ZRANB2: variants seen among roughly 807,000 people sequenced by gnomAD.
ZRANB2 encodes zinc finger Ran-binding domain-containing protein 2.
Under a neutral mutation model 53.4 loss-of-function variants are expected in ZRANB2, and 19 were observed. The observed-to-expected ratio is 0.36, with a 90% CI of 0.25 to 0.52. The LOEUF (loss-of-function observed/expected upper bound fraction) is 0.52, where lower values mean the gene tolerates loss of function less well. Ranked by LOEUF, ZRANB2 falls within the 20% of genes least tolerant of loss-of-function variation. The pLI, the probability that ZRANB2 is intolerant of heterozygous loss-of-function variation, is 0.93. For synonymous variants in ZRANB2, 145 were observed against 134.8 expected, an observed-to-expected ratio of 1.08 and a Z score of -0.52; for missense variants, 309 against 401.1, an observed-to-expected ratio of 0.77 and a Z score of 1.96.
At chr1:71,078,107 T>C (rs1277904936) in intron 3 of ZRANB2, among the ~76,000 whole-genome samples, 1 of 152,168 alleles carries the variant, frequency 6.6e-6, no homozygotes, top group African/African-American at 2.4e-5. Flanking sequence ...TTTTGTGGTG[T>C]ATTTCACACT....
chr1:71,070,480 T>G lies in ZRANB2; in HGVS notation c.683+347A>C, dbSNP rs184066253. On this transcript the variant is annotated intron_variant, in intron 7 of 9. Coordinates refer to ENST00000370920, the MANE Select transcript of ZRANB2 (RefSeq NM_203350.3). Reference sequence around the variant, plus strand: ...CTGTGCTAGCCTTTAACATCTTGAATGAAAATACAGATCTCCCCTTTACTT... The same window carrying G: ...CTGTGCTAGCCTTTAACATCTTGAAGGAAAATACAGATCTCCCCTTTACTT... 7.8e-3 allele frequency among the ~76,000 whole-genome samples: 1,195 copies of G among 152,256 alleles called. 17 individuals are homozygous for G. The highest frequency in any genetic ancestry group is 9.8e-3 in the Non-Finnish European group (664 of 67,990).
In ZRANB2 at chr1:71,069,373, A is replaced by T; in HGVS notation, c.684-11T>A. On this transcript the variant is annotated splice_polypyrimidine_tract_variant and intron_variant, in intron 7 of 9. Coordinates refer to ENST00000370920, the MANE Select transcript of ZRANB2 (RefSeq NM_203350.3). ...CTTCTTGAACGGGACCTGGAACAACATGGAACGATTTTTTTTTTCCAGGAC... is the reference window on the plus strand; with the variant it reads ...CTTCTTGAACGGGACCTGGAACAACTTGGAACGATTTTTTTTTTCCAGGAC... 1 of 1,610,988 alleles carries T rather than the reference A, an allele frequency of 6.2e-7. No homozygotes were observed. Among genetic ancestry groups the T allele is most frequent in the Non-Finnish European group, 8.5e-7 (1 of 1,178,186 alleles).
chr1:71,065,481 A>ATCCAAG (rs1661404292), intron 9 of ZRANB2, among the ~76,000 whole-genome samples: 1 of 152,142 alleles, frequency 6.6e-6, no homozygotes, highest in South Asian at 2.1e-4. Context: ...TGGTAATGGA[A>ATCCAAG]GTGTGACTAA....
rs1197871326 is a variant in ZRANB2, at chr1:71,065,035, C to T, written c.*39G>A. The T allele has an allele frequency of 1.0e-5, 15 of 1,450,204 alleles. No homozygotes were observed. Among genetic ancestry groups the T allele is most frequent in the Non-Finnish European group, 1.4e-5 (15 of 1,041,554 alleles). 89.8% of individuals were successfully genotyped at this position (1,450,204 alleles called of 1,614,324 possible). A position where few individuals can be genotyped will look rare whatever the true frequency, so the allele number is the denominator to read the frequency against. On this transcript the variant is annotated 3_prime_UTR_variant, in exon 10 of 10. Transcript: ENST00000370920. ...AACTTCTTTAAAAATATGCTTCATG[C>T]ACTGTACTGGATTTTTTTAAGATGT...
chr1:71,066,941 T>C lies in ZRANB2; in HGVS notation c.771-7A>G. ...GTGGGACCTGGAGCTGGATCTTCAT[T>C]GATTGAGAAACAAATCAAACATTTC... On this transcript the variant is annotated splice_polypyrimidine_tract_variant and splice_region_variant and intron_variant, in intron 8 of 9. Transcript: ENST00000370920. 6.4e-7 allele frequency: 1 copy of C among 1,553,118 alleles called. No individual in the cohort carries two copies. The highest frequency in any genetic ancestry group is 8.7e-7 in the Non-Finnish European group (1 of 1,151,406).
intron 3 of ZRANB2, 109 bp downstream of exon 3, chr1:71,078,348 A>C (rs1456988454): frequency 1.1e-6 from 1 of 875,854 alleles, no homozygotes. Flanking sequence ...TTGGATTTAA[A>C]AGGTTACCCT....
chr1:71,078,788 G>T, intron 1 of ZRANB2, 80 bp from the exon 2 acceptor site: 2 of 1,197,088 alleles, frequency 1.7e-6, no homozygotes, highest in Non-Finnish European at 2.4e-6. Flanking sequence ...CTACATATCT[G>T]GAATTCATAA....
intron 7 of ZRANB2, 80 bp from the exon 8 acceptor site, chr1:71,069,442 G>A: frequency 4.2e-6 from 4 of 960,188 alleles, no homozygotes. Flanking sequence ...AGAAAGATAT[G>A]TATTAGAGTT....
intron 8 of ZRANB2, chr1:71,067,818 C>G: frequency 2.9e-6 from 1 of 346,844 alleles, no homozygotes; most frequent in Non-Finnish European, 5.6e-6. Flanking sequence ...ACCTATAAAG[C>G]GCTTAAATAT....
intron 3 of ZRANB2, among the ~76,000 whole-genome samples, chr1:71,077,494 C>T (rs1381364387): frequency 6.6e-6 from 1 of 152,020 alleles, no homozygotes; most frequent in African/African-American, 2.4e-5. Flanking sequence ...ATCCAGTGAC[C>T]AAATCTGTAG....
intron 6 of ZRANB2, among the ~76,000 whole-genome samples, chr1:71,071,439 TCTCA>T (rs1344654747): frequency 1.3e-5 from 2 of 152,156 alleles, no homozygotes; most frequent in Admixed American, 6.5e-5. Flanking sequence ...GATAAACACA[TCTCA>T]CTTTTTTCTT....
chr1:71,079,137 G>A (rs1443999952), intron 1 of ZRANB2, among the ~76,000 whole-genome samples: 3 of 152,138 alleles, frequency 2.0e-5, no homozygotes, highest in South Asian at 4.1e-4. Context: ...GGATCTTAAT[G>A]AAATTATCTT....
chr1:71,080,737 G>T (rs915132518), intron 1 of ZRANB2, among the ~76,000 whole-genome samples: 1 of 152,194 alleles, frequency 6.6e-6, no homozygotes, highest in Non-Finnish European at 1.5e-5. Flanking sequence ...AGGAAACGCT[G>T]AAGACATATC....
intron 7 of ZRANB2, 36 bp from the exon 8 acceptor site, chr1:71,069,398 C>T (rs957670895): frequency 2.0e-6 from 3 of 1,537,286 alleles, no homozygotes; most frequent in East Asian, 4.5e-5. Flanking sequence ...TTTTCCAGGA[C>T]CATTTAATTG....
Position 71,073,047 on chromosome 1 carries a change from C to A in ZRANB2, c.302-499G>T, listed in dbSNP as rs571178882. Among the ~76,000 whole-genome samples, 9 of 152,164 alleles carry A rather than the reference C, an allele frequency of 5.9e-5. No individual in the cohort carries two copies. The South Asian group carries it at 1.9e-3, about 31-fold the overall frequency. ...AATTACACAGACAAACACAATAACA[C>A]AATAAAGGCCATCCTTTGGCCCTGG... On this transcript the variant is annotated intron_variant, in intron 4 of 9. Transcript: ENST00000370920.
chr1:71,067,102 G>T (rs1378514019), intron 8 of ZRANB2, 168 bp from the exon 9 acceptor site: 3 of 535,140 alleles, frequency 5.6e-6, no homozygotes, highest in African/African-American at 2.0e-5. Flanking sequence ...GATCAACCAT[G>T]AAAACATTCT....
At chr1:71,073,013 A>G (rs1005093951) in intron 4 of ZRANB2, among the ~76,000 whole-genome samples, 2 of 152,114 alleles carry the variant, frequency 1.3e-5, no homozygotes, top group African/African-American at 2.4e-5. Context: ...TAGAGCTTGG[A>G]AAATTCCTAA....
At chr1:71,076,651 A>G (rs780939277) in intron 4 of ZRANB2, 144 bp downstream of exon 4, 9 of 653,454 alleles carry the variant, frequency 1.4e-5, no homozygotes, top group South Asian at 1.9e-5. Flanking sequence ...GTATGGGGGG[A>G]AAAAAATCCC....
rs1661617984 is a variant in ZRANB2, at chr1:71,072,558, G to A, written c.302-10C>T. 6.3e-7 allele frequency: 1 copy of A among 1,593,228 alleles called. No individual in the cohort carries two copies. Among genetic ancestry groups the A allele is most frequent in the African/African-American group, 1.3e-5 (1 of 74,114 alleles). ...AAACCACCACCATATCCTTAAAAAA[G>A]AGGGCACAAATTGTTACCCTATGAC... On this transcript the variant is annotated splice_polypyrimidine_tract_variant and intron_variant, in intron 4 of 9. Coordinates refer to ENST00000370920, the MANE Select transcript of ZRANB2 (RefSeq NM_203350.3).
Sources: gnomAD v4.1 joint callset for allele counts (sites outside exome capture counted in the v4.1 genomes callset) on GRCh38, gnomAD v4.1.1 for gene constraint, MANE v1.5 for transcripts, NCBI Gene and HGNC (gene_info 2026-07-23, HGNC 2026-07-21) for gene names.